Variants in ZNF318 observed in about 807,000 individuals in gnomAD.
ZNF318 encodes the protein endocrine regulator.
ZNF318 carries 51 observed loss-of-function variants against 124.2 expected under a neutral mutation model. The observed-to-expected ratio is 0.41, with a 90% CI of 0.33 to 0.52. ZNF318 has a LOEUF of 0.52. Among genes scored for constraint, ZNF318 ranks in the 20% least tolerant of loss-of-function variants. The pLI, the probability that ZNF318 is intolerant of heterozygous loss-of-function variation, is 0.23. For missense variants in ZNF318, 2,815 were observed against 2,811.2 expected, an observed-to-expected ratio of 1.00 and a Z score of -0.03; for synonymous variants, 1,090 against 1,040.7, an observed-to-expected ratio of 1.05 and a Z score of -0.91.
chr6:43,355,427 A>G lies in ZNF318; in HGVS notation c.1907T>C (p.Val636Ala). Residue 636 changes from valine to alanine, a missense_variant, in exon 4 of 10, where the codon GTT becomes GCT. Val to Ala is a moderately conservative substitution (Grantham distance 64, BLOSUM62 0). This residue lies in a region of ZNF318 where 1,377 missense variants were observed against 1,353.5 expected (regional missense o/e 1.02). Transcript: ENST00000361428. ...GTGGTCAGCTGAAAAGTATCGGTCA[A>G]CTGAGGAACGGCGGTCAGCTGAGGA... ...LRSSADRRSSVDRYFSADHCS... is the reference protein window; with the variant it reads ...LRSSADRRSSADRYFSADHCS... 1 of 1,614,180 alleles carries G rather than the reference A, an allele frequency of 6.2e-7. No homozygotes were observed. Among genetic ancestry groups the G allele is most frequent in the African/African-American group, 1.3e-5 (1 of 75,050 alleles).
At chr6:43,354,515 C>T in intron 4 of ZNF318, 149 bp downstream of exon 4, 2 of 697,040 alleles carry the variant, frequency 2.9e-6, no homozygotes, top group South Asian at 3.9e-5. Context: ...AACAGAGGAA[C>T]AATATACACT....
chr6:43,356,495 G>A (rs1715921388), intron 3 of ZNF318, among the ~76,000 whole-genome samples: 1 of 152,186 alleles, frequency 6.6e-6, no homozygotes, highest in Non-Finnish European at 1.5e-5. Flanking sequence ...TGGCTGAAGT[G>A]GGGAGAGGAA....
intron 1 of ZNF318, chr6:43,368,738 A>C: frequency 8.1e-6 from 8 of 985,484 alleles, no homozygotes; most frequent in Non-Finnish European, 9.6e-6. Flanking sequence ...CCTATTCCTA[A>C]GGAACGGAGC....
intron 4 of ZNF318, 142 bp from the exon 5 acceptor site, chr6:43,352,618 A>G: frequency 2.9e-6 from 2 of 698,606 alleles, no homozygotes; most frequent in Non-Finnish European, 4.8e-6. Flanking sequence ...TTACTGTCAA[A>G]GTAATATTTC....
intron 1 of ZNF318, among the ~76,000 whole-genome samples, chr6:43,368,410 A>G (rs771905786): frequency 1.3e-4 from 20 of 152,234 alleles, no homozygotes; most frequent in Admixed American, 7.8e-4. Context: ...ATAGAACTCG[A>G]TAAGAGGTAG....
Position 43,357,352 on chromosome 6 carries a change from G to T in ZNF318, c.962C>A (p.Ala321Asp). The T allele has an allele frequency of 1.2e-6, 2 of 1,614,130 alleles. No individual in the cohort carries two copies. Among genetic ancestry groups the T allele is most frequent in the South Asian group, 2.2e-5 (2 of 91,080 alleles). ...LDPEFRELDL[A>D]RRKREEEEER... ...CTCCTCTTCCTCTCGCTTTCGTCTG[G>T]CAAGATCCAGTTCTCGAAACTCAGG... Residue 321 changes from alanine (A) to aspartate (D), a missense_variant, in exon 3 of 10, where the codon GCC becomes GAC. By Grantham distance (126) the Ala-to-Asp change is moderately radical. This residue lies in a region of ZNF318 where 1,377 missense variants were observed against 1,353.5 expected (regional missense o/e 1.02). Transcript: ENST00000361428.
chr6:43,350,343 T>C (rs768277116), intron 5 of ZNF318, among the ~76,000 whole-genome samples: 4 of 152,276 alleles, frequency 2.6e-5, no homozygotes, highest in South Asian at 4.1e-4. Flanking sequence ...GGGGGTCCCA[T>C]TGGCCAAATT....
intron 6 of ZNF318, 85 bp from the exon 7 acceptor site, chr6:43,342,964 T>G: frequency 1.8e-6 from 2 of 1,114,676 alleles, no homozygotes; most frequent in Non-Finnish European, 2.6e-6. Context: ...GCCATAATAA[T>G]AGAAATAGGG....
At position 43,340,162 on chromosome 6, in the gene ZNF318, T is replaced by C. The variant is rs756683352; in HGVS notation, c.3836A>G (p.Lys1279Arg). Residue 1279 changes from lysine to arginine, a missense_variant, in exon 10 of 10, where the codon AAG (lysine) becomes AGG (arginine). By Grantham distance (26) the Lys-to-Arg change is conservative. Around this residue, in one of 4 missense-constraint regions of ZNF318, gnomAD observed 500 missense variants for 605.2 expected, o/e 0.83. Transcript: ENST00000361428. ...TTTCTCCTCTTCTTTTTCTGGCTTC[T>C]TCCAGCTGAATTTCCCAAAAGAAGA... ...TSSSFGKFSW[K>R]KPEKEEEKSS... The C allele has an allele frequency of 1.2e-6, 2 of 1,614,204 alleles. No homozygotes were observed. The highest frequency in any genetic ancestry group is 2.2e-5 in the South Asian group (2 of 91,074).
chr6:43,355,997 G>T lies in ZNF318; in HGVS notation c.1337C>A (p.Pro446His), dbSNP rs766982613. ...ACCCCATTGGTAGAGGTTGCCCTGA[G>T]GTTCCTTCAAGGCAGTCTCTACCAT... ...GTMVETALKE[P>H]QGNLYQWGPL... The change falls in exon 4 of 10, where the codon CCT (proline) becomes CAT (histidine). Residue 446 changes from proline to histidine, a missense_variant. Around this residue, in one of 4 missense-constraint regions of ZNF318, gnomAD observed 1,377 missense variants for 1,353.5 expected, o/e 1.02. Transcript: ENST00000361428. 1.9e-6 allele frequency: 3 copies of T among 1,614,174 alleles called. No individual in the cohort carries two copies. Among genetic ancestry groups the T allele is most frequent in the Non-Finnish European group, 2.5e-6 (3 of 1,180,028 alleles).
chr6:43,343,624 T>A (rs1779401648), intron 6 of ZNF318, among the ~76,000 whole-genome samples: 1 of 151,498 alleles, frequency 6.6e-6, no homozygotes, highest in African/African-American at 2.4e-5. Context: ...AGGCCAGGAG[T>A]TCGAGACAGG....
At chr6:43,356,987 T>C in intron 3 of ZNF318, 139 bp downstream of exon 3, 1 of 997,442 alleles carries the variant, frequency 1.0e-6, no homozygotes, top group South Asian at 1.7e-5. Context: ...GTTTGGAGAG[T>C]CCTAGAAGGT....
chr6:43,361,001 T>C (rs778380477), intron 2 of ZNF318, among the ~76,000 whole-genome samples: 2 of 152,182 alleles, frequency 1.3e-5, no homozygotes, highest in African/African-American at 2.4e-5. Flanking sequence ...CTAAAATTGA[T>C]TGTAGTGAGG....
At chr6:43,350,537 CTATT>C (rs2150752667) in intron 5 of ZNF318, among the ~76,000 whole-genome samples, 1 of 152,186 alleles carries the variant, frequency 6.6e-6, no homozygotes, top group South Asian at 2.1e-4. Context: ...TGAAAAATCA[CTATT>C]TGATAACCAT....
chr6:43,359,009 A>T (rs1408305046), intron 2 of ZNF318, among the ~76,000 whole-genome samples: 2 of 152,212 alleles, frequency 1.3e-5, no homozygotes, highest in Non-Finnish European at 1.5e-5. Context: ...TCTGTATATT[A>T]AGGTTCTAAT....
intron 9 of ZNF318, 70 bp downstream of exon 9, chr6:43,340,720 G>T: frequency 6.5e-7 from 1 of 1,530,388 alleles, no homozygotes; most frequent in Non-Finnish European, 9.0e-7. Context: ...TGGCTCGGAC[G>T]CCATTTGACA....
In ZNF318 at chr6:43,339,575, G is replaced by C. The variant is rs1288851233; in HGVS notation, c.4423C>G (p.Pro1475Ala). The change falls in exon 10 of 10, where the codon CCA becomes GCA. Residue 1475 changes from proline (P) to alanine (A), a missense_variant. Around this residue, in one of 4 missense-constraint regions of ZNF318, gnomAD observed 500 missense variants for 605.2 expected, o/e 0.83. Coordinates refer to ENST00000361428, the MANE Select transcript of ZNF318 (RefSeq NM_014345.3). The surrounding 1 kb of genome is among the most constrained non-coding windows in gnomAD (Gnocchi z 4.2). ...GATACAACTGGGTTTGATTTTACTG[G>C]AGCCAAGATAGCATTTGCTTGAGCA... ...SAAQANAILAPVKSNPVVSQT... is the reference protein window; with the variant it reads ...SAAQANAILAAVKSNPVVSQT... 1 of 1,605,016 alleles carries C rather than the reference G, an allele frequency of 6.2e-7. No individual in the cohort carries two copies. Among genetic ancestry groups the C allele is most frequent in the Non-Finnish European group, 8.5e-7 (1 of 1,175,762 alleles).
chr6:43,367,265 TAGG>T (rs969881551), intron 1 of ZNF318, among the ~76,000 whole-genome samples: 22 of 152,172 alleles, frequency 1.4e-4, no homozygotes, highest in African/African-American at 5.1e-4. Context: ...TCTATAAGGA[TAGG>T]AGTTTTTTTC....
At chr6:43,364,331 G>GAA (rs34131739) in intron 2 of ZNF318, 111 of 148,236 alleles carry the variant, frequency 7.5e-4, no homozygotes, top group Middle Eastern at 2.9e-3. Flanking sequence ...AATTAAGCCT[G>GAA]AAAAAAAAAA....
Sources: allele counts gnomAD v4.1 joint callset (sites outside exome capture counted in the v4.1 genomes callset), GRCh38; gene constraint gnomAD v4.1.1; regional missense constraint gnomAD v4.1.1; non-coding constraint Gnocchi (gnomAD v3.1); transcripts MANE v1.5; gene names NCBI Gene and HGNC (gene_info 2026-07-23, HGNC 2026-07-21).